The following CRPPA variants were observed in gnomAD, a reference collection of about 807,000 sequenced individuals.
CRPPA encodes D-ribitol-5-phosphate cytidylyltransferase.
A neutral mutation model predicts 52.0 loss-of-function variants in CRPPA; 43 were observed. The ratio of observed to expected loss-of-function variants is 0.83; its 90% CI spans 0.65 to 1.07. CRPPA has a LOEUF of 1.07. Ranked by LOEUF, CRPPA falls within the 50% of genes least tolerant of loss-of-function variation. CRPPA has a pLI of 0.00. For missense variants in CRPPA, 629 were observed against 551.7 expected, an observed-to-expected ratio of 1.14 and a Z score of -1.40; for synonymous variants, 250 against 203.5, an observed-to-expected ratio of 1.23 and a Z score of -1.94.
chr7:16,415,137 T>C (rs144087400), intron 1 of CRPPA, among the ~76,000 whole-genome samples: 1 of 152,266 alleles, frequency 6.6e-6, no homozygotes, highest in Non-Finnish European at 1.5e-5. Context: ...AGTAGTTTTC[T>C]AAGCAGTTTC....
intron 2 of CRPPA, among the ~76,000 whole-genome samples, chr7:16,382,256 A>C (rs975741724): frequency 1.3e-5 from 2 of 152,068 alleles, no homozygotes; most frequent in East Asian, 1.9e-4. Context: ...TATGAAGCTT[A>C]GTTTAGCTGG....
chr7:16,167,638 G>A (rs559119802), intron 9 of CRPPA, among the ~76,000 whole-genome samples: 3 of 152,012 alleles, frequency 2.0e-5, no homozygotes, highest in Non-Finnish European at 4.4e-5. Context: ...GTCTTATTTA[G>A]GCACACAAGT....
At position 16,406,021 on chromosome 7, in the gene CRPPA, T is replaced by G. The variant is rs756319540; in HGVS notation, c.534+40A>C. The G allele has an allele frequency of 1.9e-6, 3 of 1,585,242 alleles. No homozygotes were observed. The East Asian group carries it at 6.8e-5, about 36-fold the overall frequency. On this transcript the variant is annotated intron_variant, in intron 2 of 9. Transcript: ENST00000407010. ...ATTCAGCAAATGAACCACACTACAGTGCTTGTCCCTTCTATCTAGACTCAA... is the reference window on the plus strand; with the variant it reads ...ATTCAGCAAATGAACCACACTACAGGGCTTGTCCCTTCTATCTAGACTCAA...
intron 9 of CRPPA, chr7:16,210,540 T>G (rs1339766540): frequency 6.6e-6 from 1 of 152,138 alleles, no homozygotes; most frequent in Non-Finnish European, 1.5e-5. Flanking sequence ...CAGGAGCTCA[T>G]GAAATCATGA....
At chr7:16,232,307 A>T (rs1782821753) in intron 8 of CRPPA, among the ~76,000 whole-genome samples, 1 of 152,186 alleles carries the variant, frequency 6.6e-6, no homozygotes, top group Admixed American at 6.5e-5. Flanking sequence ...GGCCTTTAAG[A>T]GGTGATAAGG....
chr7:16,262,485 G>C (rs915277083), intron 6 of CRPPA, among the ~76,000 whole-genome samples: 1 of 152,094 alleles, frequency 6.6e-6, no homozygotes, highest in African/African-American at 2.4e-5. Flanking sequence ...TTCTCACTGA[G>C]TTCTTCTACA....
chr7:16,237,012 G>C (rs2128404881), intron 8 of CRPPA, among the ~76,000 whole-genome samples: 1 of 151,558 alleles, frequency 6.6e-6, no homozygotes, highest in Non-Finnish European at 1.5e-5. Context: ...ATTATACTTT[G>C]CCAAAAAATC....
At chr7:16,367,818 C>G (rs893370132) in intron 3 of CRPPA, among the ~76,000 whole-genome samples, 5 of 152,092 alleles carry the variant, frequency 3.3e-5, no homozygotes, top group African/African-American at 1.2e-4. Context: ...TTAAGTTAAA[C>G]AGGCACTTAA....
intron 2 of CRPPA, among the ~76,000 whole-genome samples, chr7:16,391,896 C>G (rs555863196): frequency 2.5e-4 from 38 of 152,250 alleles, no homozygotes; most frequent in Non-Finnish European, 4.3e-4. Context: ...AGGTAATACA[C>G]ATATGTCTTC....
At chr7:16,174,426 A>G (rs1258616506) in intron 9 of CRPPA, among the ~76,000 whole-genome samples, 2 of 152,200 alleles carry the variant, frequency 1.3e-5, no homozygotes, top group African/African-American at 4.8e-5. Context: ...CACAAACGAG[A>G]TTGGCTGTAT....
chr7:16,389,429 C>G (rs1032155493), intron 2 of CRPPA, among the ~76,000 whole-genome samples: 1 of 151,836 alleles, frequency 6.6e-6, no homozygotes, highest in Non-Finnish European at 1.5e-5. Flanking sequence ...GGATTTATCC[C>G]AGGAATACCA....
intron 9 of CRPPA, among the ~76,000 whole-genome samples, chr7:16,119,961 A>T (rs1782449938): frequency 6.6e-6 from 1 of 152,220 alleles, no homozygotes; most frequent in Admixed American, 6.5e-5. Flanking sequence ...ATCACACAGG[A>T]GTGTCTTAAG....
chr7:16,366,243 C>G (rs1269720845), intron 3 of CRPPA, among the ~76,000 whole-genome samples: 1 of 152,160 alleles, frequency 6.6e-6, no homozygotes, highest in Non-Finnish European at 1.5e-5. Flanking sequence ...TGCCACCTCT[C>G]AATACTATCA....
At chr7:16,246,414 G>T (rs924966706) in intron 8 of CRPPA, among the ~76,000 whole-genome samples, 5 of 152,108 alleles carry the variant, frequency 3.3e-5, no homozygotes. Flanking sequence ...TCTTCCATGA[G>T]GTTTGGATTA....
chr7:16,101,830 T>C (rs897248988), intron 9 of CRPPA, among the ~76,000 whole-genome samples: 1 of 152,132 alleles, frequency 6.6e-6, no homozygotes, highest in Non-Finnish European at 1.5e-5. Flanking sequence ...TGAAAAAACA[T>C]TCCATGCTCA....
At chr7:16,222,060 T>C (rs1408485226) in intron 8 of CRPPA, among the ~76,000 whole-genome samples, 2 of 149,622 alleles carry the variant, frequency 1.3e-5, no homozygotes, top group East Asian at 2.0e-4. Context: ...TGTCCAACAA[T>C]GATAGACTGG....
intron 9 of CRPPA, among the ~76,000 whole-genome samples, chr7:16,189,197 G>C (rs1332036248): frequency 1.3e-5 from 2 of 151,992 alleles, no homozygotes; most frequent in Admixed American, 1.3e-4. Flanking sequence ...GTGTGACTCA[G>C]GCTATCTTAC....
chr7:16,091,833 A>G (rs1309062960), intron 9 of CRPPA, 34 bp from the exon 10 acceptor site: 2 of 1,227,494 alleles, frequency 1.6e-6, no homozygotes, highest in Admixed American at 6.2e-5. Flanking sequence ...AATATTTTAG[A>G]AAAAACATAT....
intron 1 of CRPPA, among the ~76,000 whole-genome samples, chr7:16,414,857 C>T (rs1788157931): frequency 6.6e-6 from 1 of 152,184 alleles, no homozygotes. Flanking sequence ...TATATGTGAT[C>T]CTTCCTAGTA....
Sources: allele counts gnomAD v4.1 joint callset (sites outside exome capture counted in the v4.1 genomes callset), GRCh38; gene constraint gnomAD v4.1.1; transcripts MANE v1.5; gene names NCBI Gene and HGNC (gene_info 2026-07-23, HGNC 2026-07-21).